Variants in THSD7B observed in about 807,000 individuals in gnomAD.
THSD7B encodes the protein thrombospondin type-1 domain-containing protein 7B.
A neutral mutation model predicts 213.6 loss-of-function variants in THSD7B; 138 were observed. The observed-to-expected ratio is 0.65, with a 90% CI of 0.56 to 0.74. The LOEUF (loss-of-function observed/expected upper bound fraction) is 0.74. Ranked by LOEUF, THSD7B falls within the 30% of genes least tolerant of loss-of-function variation. The pLI is 0.00. For synonymous variants in THSD7B, 742 were observed against 687.0 expected (o/e 1.08, Z -1.25); for missense variants, 1,931 against 1,991.5 (o/e 0.97, Z 0.58).
intron 15 of THSD7B, among the ~76,000 whole-genome samples, chr2:137,525,905 C>T (rs1045325860): frequency 2.0e-5 from 3 of 152,108 alleles, no homozygotes; most frequent in Admixed American, 2.0e-4. Context: ...TAGCTTCACC[C>T]AGCCCTTGTC....
At chr2:136,915,407 C>T (rs900259699) in intron 2 of THSD7B, among the ~76,000 whole-genome samples, 4 of 152,100 alleles carry the variant, frequency 2.6e-5, no homozygotes, top group African/African-American at 9.7e-5. Context: ...TAGTGGCAGG[C>T]AATATAAGTA....
At chr2:137,360,341 C>T (rs1454042256) in intron 12 of THSD7B, among the ~76,000 whole-genome samples, 1 of 152,012 alleles carries the variant, frequency 6.6e-6, no homozygotes, top group Non-Finnish European at 1.5e-5. Context: ...ACTGAGGTAC[C>T]TGGTTCATCT....
At chr2:137,059,988 A>G (rs1266678032) in intron 3 of THSD7B, among the ~76,000 whole-genome samples, 3 of 152,156 alleles carry the variant, frequency 2.0e-5, no homozygotes, top group Admixed American at 6.6e-5. Context: ...TTGCAATGCC[A>G]CCAGCAATTA....
At position 137,405,827 on chromosome 2, in the gene THSD7B, CT is replaced by C; in HGVS notation, c.2695+23del. On this transcript the variant is annotated intron_variant, in intron 13 of 27. Coordinates refer to ENST00000409968, the MANE Select transcript of THSD7B (RefSeq NM_001316349.2). ...TCACAGGTATAGTGTGCATTTTACT[CT>C]TTAGCATCAGGCAAGCTGAACATCT... 1 of 1,581,796 alleles carries C rather than the reference CT, an allele frequency of 6.3e-7. No homozygotes were observed.
intron 15 of THSD7B, among the ~76,000 whole-genome samples, chr2:137,486,461 C>T (rs2105114135): frequency 6.6e-6 from 1 of 151,504 alleles, no homozygotes; most frequent in South Asian, 2.1e-4. Context: ...AATATATATG[C>T]ACCCAATACA....
chr2:137,156,862 A>G (rs1316272996), intron 5 of THSD7B, among the ~76,000 whole-genome samples: 1 of 152,140 alleles, frequency 6.6e-6, no homozygotes, highest in Non-Finnish European at 1.5e-5. Flanking sequence ...AACATCAAGT[A>G]CAGAGGTTGT....
intron 2 of THSD7B, among the ~76,000 whole-genome samples, chr2:136,953,652 C>T (rs1685077330): frequency 6.6e-6 from 1 of 152,182 alleles, no homozygotes; most frequent in Non-Finnish European, 1.5e-5. Flanking sequence ...GACCACTCCA[C>T]CATCTTCATG....
At chr2:137,281,381 T>C (rs1457867176) in intron 12 of THSD7B, among the ~76,000 whole-genome samples, 1 of 151,966 alleles carries the variant, frequency 6.6e-6, no homozygotes, top group Admixed American at 6.6e-5. Flanking sequence ...TTTTACTGGA[T>C]GATAATGTGA....
At chr2:136,979,273 A>G (rs1434436589) in intron 2 of THSD7B, among the ~76,000 whole-genome samples, 1 of 151,392 alleles carries the variant, frequency 6.6e-6, no homozygotes, top group African/African-American at 2.4e-5. Context: ...TCTGTCTTGG[A>G]GTTGATCTTC....
At chr2:136,772,371 C>T (rs191014193) in intron 1 of THSD7B, among the ~76,000 whole-genome samples, 16 of 152,214 alleles carry the variant, frequency 1.1e-4, no homozygotes, top group Admixed American at 9.8e-4. Context: ...AAAAAGGCTG[C>T]ATTTTGATTT....
At chr2:137,025,623 T>A (rs1686538824) in intron 2 of THSD7B, among the ~76,000 whole-genome samples, 1 of 152,156 alleles carries the variant, frequency 6.6e-6, no homozygotes, top group African/African-American at 2.4e-5. Context: ...CTGTGCATCT[T>A]GTGGCTCTGC....
intron 12 of THSD7B, among the ~76,000 whole-genome samples, chr2:137,349,269 AT>A (rs1280358186): frequency 2.6e-5 from 4 of 151,700 alleles, no homozygotes; most frequent in Non-Finnish European, 4.4e-5. Context: ...TTATTTTGTG[AT>A]TTTTAACAGC....
At chr2:137,538,797 A>G (rs1680554493) in intron 15 of THSD7B, among the ~76,000 whole-genome samples, 1 of 151,678 alleles carries the variant, frequency 6.6e-6, no homozygotes, top group African/African-American at 2.4e-5. Flanking sequence ...GAGATTTCAG[A>G]ATCAGCATAA....
chr2:137,069,425 C>T (rs1687438796), intron 3 of THSD7B, among the ~76,000 whole-genome samples: 1 of 151,896 alleles, frequency 6.6e-6, no homozygotes, highest in Non-Finnish European at 1.5e-5. Flanking sequence ...GTGATTCATA[C>T]TTATTGTTTG....
intron 16 of THSD7B, among the ~76,000 whole-genome samples, chr2:137,567,486 G>T (rs1222953163): frequency 1.3e-5 from 2 of 152,150 alleles, no homozygotes; most frequent in African/African-American, 4.8e-5. Context: ...TTTTCAGAGT[G>T]TAGTGTAGAA....
At chr2:137,568,427 A>G (rs1428303282) in intron 16 of THSD7B, among the ~76,000 whole-genome samples, 9 of 152,180 alleles carry the variant, frequency 5.9e-5, no homozygotes, top group Admixed American at 4.6e-4. Context: ...AACACCTAGT[A>G]AAGCCTCTTA....
intron 2 of THSD7B, among the ~76,000 whole-genome samples, chr2:136,960,247 C>T (rs1235224921): frequency 2.6e-5 from 4 of 152,168 alleles, no homozygotes; most frequent in Non-Finnish European, 5.9e-5. Flanking sequence ...CGCACCACAA[C>T]CTCCTGAGTA....
At chr2:136,907,294 A>G (rs1684181855) in intron 2 of THSD7B, among the ~76,000 whole-genome samples, 1 of 152,162 alleles carries the variant, frequency 6.6e-6, no homozygotes, top group African/African-American at 2.4e-5. Context: ...TGTCAAAAAC[A>G]TTTGAATATA....
intron 7 of THSD7B, among the ~76,000 whole-genome samples, chr2:137,221,340 T>C (rs1030756037): frequency 1.3e-5 from 2 of 152,064 alleles, no homozygotes; most frequent in Admixed American, 6.6e-5. Context: ...TGGGGAGGGA[T>C]TGACTACAGG....
Sources: gnomAD v4.1 joint callset for allele counts (sites outside exome capture counted in the v4.1 genomes callset) on GRCh38, gnomAD v4.1.1 for gene constraint, MANE v1.5 for transcripts, NCBI Gene and HGNC (gene_info 2026-07-23, HGNC 2026-07-21) for gene names.